The following PVT1 variants were observed in gnomAD, a reference collection of about 807,000 sequenced individuals.
PVT1 encodes CXCR4/PVT1 fusion.
At chr8:127,915,480 CA>C (rs1475502634) in intron 3 of PVT1, among the ~76,000 whole-genome samples, 1 of 151,896 alleles carries the variant, frequency 6.6e-6, no homozygotes, top group African/African-American at 2.4e-5. Context: ...GGCGTGGTGG[CA>C]CGTGCCTGTA....
intron 5 of PVT1, chr8:128,096,389 G>A (rs1814429010): frequency 6.6e-6 from 1 of 152,222 alleles, no homozygotes; most frequent in South Asian, 2.1e-4. Flanking sequence ...GTGAACATGT[G>A]TCAAATGCTC....
At chr8:128,056,679 G>T (rs1045477768) in intron 4 of PVT1, among the ~76,000 whole-genome samples, 3 of 152,138 alleles carry the variant, frequency 2.0e-5, no homozygotes, top group African/African-American at 7.2e-5. Context: ...CCCTTGGGAC[G>T]CATCAGAAGT....
chr8:127,846,235 G>T (rs1217589122), intron 2 of PVT1, among the ~76,000 whole-genome samples: 1 of 149,786 alleles, frequency 6.7e-6, no homozygotes, highest in African/African-American at 2.6e-5. Context: ...AGGTGGGAGA[G>T]TTCTCCATTT....
At position 128,022,202 on chromosome 8, in the gene PVT1, T is replaced by C. The variant is rs778310229; in HGVS notation, n.912+32911T>C. Among the ~76,000 whole-genome samples, 20 of 152,164 alleles carry C rather than the reference T, an allele frequency of 1.3e-4. 1 individual carries two copies. Among genetic ancestry groups the C allele is most frequent in the Non-Finnish European group, 2.6e-4 (18 of 68,038 alleles). ...TGTGGAGGTGGGTTACAATGTGCTC[T>C]CCTTATCCCCAGTAAAACCAGGACA... is the stretch of plus-strand genomic sequence containing the variant. On this transcript the variant is annotated intron_variant and non_coding_transcript_variant, in intron 4 of 10. Transcript: ENST00000651587.
intron 3 of PVT1, among the ~76,000 whole-genome samples, chr8:127,953,491 T>G (rs1017832410): frequency 6.6e-6 from 1 of 152,210 alleles, no homozygotes; most frequent in African/African-American, 2.4e-5. Flanking sequence ...TAGCTAACAT[T>G]TATTTAGTAT....
In PVT1 at chr8:127,883,117, CAG is replaced by C. The variant is rs140986080; in HGVS notation, n.373-7459_373-7458del. On this transcript the variant is annotated intron_variant and non_coding_transcript_variant, in intron 2 of 10. Transcript: ENST00000651587. ...ATGCGGAGTCCAGAAGGCTCAGAGACAGAGAGAGAGAGAGGAAGGCACAGCCA... is the reference window on the plus strand; with the variant it reads ...ATGCGGAGTCCAGAAGGCTCAGAGACAGAGAGAGAGAGGAAGGCACAGCCA... Among the ~76,000 whole-genome samples, 616 of 149,902 alleles carry C rather than the reference CAG, an allele frequency of 4.1e-3. 11 individuals carry two copies. The highest frequency in any genetic ancestry group is 0.014 in the African/African-American group (567 of 40,978).
chr8:128,011,968 C>T (rs1348608004), intron 4 of PVT1, among the ~76,000 whole-genome samples: 1 of 152,200 alleles, frequency 6.6e-6, no homozygotes, highest in East Asian at 1.9e-4. Context: ...AGGATCCAAG[C>T]ATTGCACTGT....
intron 3 of PVT1, among the ~76,000 whole-genome samples, chr8:127,902,739 A>G (rs1249435275): frequency 6.6e-6 from 1 of 152,104 alleles, no homozygotes; most frequent in Non-Finnish European, 1.5e-5. Flanking sequence ...CTCCAGCTGC[A>G]TCCATGTTGC....
At chr8:127,964,498 G>GT (rs1316407090) in intron 3 of PVT1, among the ~76,000 whole-genome samples, 5 of 152,166 alleles carry the variant, frequency 3.3e-5, no homozygotes, top group Admixed American at 1.3e-4. Flanking sequence ...GGCCCTTATT[G>GT]TTTTTTTGTG....
At chr8:127,814,439 T>C (rs1037616284) in intron 2 of PVT1, among the ~76,000 whole-genome samples, 2 of 152,224 alleles carry the variant, frequency 1.3e-5, no homozygotes, top group Admixed American at 1.3e-4. Flanking sequence ...TGTGTCTTAA[T>C]GAGCAGTTCC....
At chr8:127,901,769 T>C (rs1249614185) in intron 3 of PVT1, among the ~76,000 whole-genome samples, 2 of 151,818 alleles carry the variant, frequency 1.3e-5, no homozygotes, top group Non-Finnish European at 2.9e-5. Context: ...TTTAAATTTC[T>C]AATTTTATAT....
At chr8:127,830,281 A>G (rs1224612179) in intron 2 of PVT1, among the ~76,000 whole-genome samples, 2 of 152,166 alleles carry the variant, frequency 1.3e-5, no homozygotes, top group African/African-American at 4.8e-5. Context: ...CTTGAAGAAG[A>G]TAGGAGCAAG....
At chr8:127,797,896 TA>T (rs1814415764) in intron 2 of PVT1, among the ~76,000 whole-genome samples, 2 of 152,136 alleles carry the variant, frequency 1.3e-5, no homozygotes, top group South Asian at 2.1e-4. Flanking sequence ...CCAGAGAGGT[TA>T]AAAATATCCT....
chr8:128,091,323 C>A (rs953126407), intron 5 of PVT1, among the ~76,000 whole-genome samples: 1 of 152,166 alleles, frequency 6.6e-6, no homozygotes, highest in Non-Finnish European at 1.5e-5. Flanking sequence ...GGTACTCGTC[C>A]CAGCTGTCGG....
At chr8:128,070,113 T>C (rs1813966060) in intron 4 of PVT1, 1 of 152,210 alleles carries the variant, frequency 6.6e-6, no homozygotes, top group African/African-American at 2.4e-5. Context: ...GGGATTCTGC[T>C]ATAGATCTCA....
chr8:127,837,013 C>CT (rs1343484579), intron 2 of PVT1, among the ~76,000 whole-genome samples: 1 of 152,206 alleles, frequency 6.6e-6, no homozygotes, highest in African/African-American at 2.4e-5. Flanking sequence ...TGTCCCACAC[C>CT]TGAGGATATG....
At chr8:127,980,458 T>A (rs1345220914) in intron 3 of PVT1, among the ~76,000 whole-genome samples, 1 of 152,154 alleles carries the variant, frequency 6.6e-6, no homozygotes, top group African/African-American at 2.4e-5. Context: ...CGATGGGCTC[T>A]GGGCCAGCGT....
chr8:127,995,168 G>GCTGA (rs1817090450), intron 4 of PVT1, among the ~76,000 whole-genome samples: 1 of 152,150 alleles, frequency 6.6e-6, no homozygotes, highest in African/African-American at 2.4e-5. Context: ...TTGAGCCCCA[G>GCTGA]CTGACCCCTT....
intron 2 of PVT1, among the ~76,000 whole-genome samples, chr8:127,797,076 C>A (rs1325070767): frequency 5.3e-5 from 8 of 152,112 alleles, no homozygotes; most frequent in Non-Finnish European, 1.2e-4. Flanking sequence ...CGGAGTTTCT[C>A]CAGATTGGTC....
Sources: allele counts gnomAD v4.1 joint callset (sites outside exome capture counted in the v4.1 genomes callset), GRCh38; gene constraint gnomAD v4.1.1; transcripts MANE v1.5; gene names NCBI Gene and HGNC (gene_info 2026-07-23, HGNC 2026-07-21).